TMEM178B: variants seen among roughly 807,000 people sequenced by gnomAD.
The protein encoded by TMEM178B is transmembrane protein 178B.
In TMEM178B, 5 loss-of-function variants were observed where a neutral mutation model predicts 31.0. The ratio of observed to expected loss-of-function variants is 0.16; its 90% CI spans 0.08 to 0.34. The LOEUF is 0.34. TMEM178B is among the 10% of genes least tolerant of loss of function. The pLI is 1.00. For synonymous variants in TMEM178B, 164 were observed against 164.0 expected, an observed-to-expected ratio of 1.00 and a Z score of 0.00; for missense variants, 275 against 400.3, an observed-to-expected ratio of 0.69 and a Z score of 2.67.
chr7:141,202,147 G>T (rs1796888530), intron 1 of TMEM178B, among the ~76,000 whole-genome samples: 1 of 152,124 alleles, frequency 6.6e-6, no homozygotes, highest in Non-Finnish European at 1.5e-5. Flanking sequence ...CTAATACACA[G>T]AAAGTATTCA....
intron 2 of TMEM178B, among the ~76,000 whole-genome samples, chr7:141,365,203 T>C (rs1447977884): frequency 6.6e-6 from 1 of 152,224 alleles, no homozygotes; most frequent in Non-Finnish European, 1.5e-5. Context: ...TCCAACCACA[T>C]TGCTGTCTTC....
At chr7:141,156,937 A>T (rs1033504524) in intron 1 of TMEM178B, among the ~76,000 whole-genome samples, 1 of 152,106 alleles carries the variant, frequency 6.6e-6, no homozygotes, top group African/African-American at 2.4e-5. Context: ...TAACCAGGGG[A>T]TGTTTCAGAA....
chr7:141,201,336 G>T (rs903163886), intron 1 of TMEM178B, among the ~76,000 whole-genome samples: 1 of 152,196 alleles, frequency 6.6e-6, no homozygotes, highest in Non-Finnish European at 1.5e-5. Context: ...CCCTGGGAAA[G>T]ATTCTCAACC....
At chr7:141,499,113 C>T in the TMEM178B span, among the ~76,000 whole-genome samples, 1 of 152,126 alleles carries the variant, frequency 6.6e-6, no homozygotes, top group East Asian at 1.9e-4. Flanking sequence ...ATTTGGCTGG[C>T]AAGCTTCAGG....
chr7:141,295,594 C>G (rs1302456619), intron 2 of TMEM178B, among the ~76,000 whole-genome samples: 2 of 152,168 alleles, frequency 1.3e-5, no homozygotes, highest in South Asian at 2.1e-4. Flanking sequence ...GAAGCAGCAG[C>G]TACCTGTTGA....
Position 141,245,170 on chromosome 7 carries a change from C to CAAAAAAAAAAAAA in TMEM178B, c.496+32494_496+32506dup, listed in dbSNP as rs59281560. 1.7e-4 allele frequency among the ~76,000 whole-genome samples: 4 copies of CAAAAAAAAAAAAA among 23,110 alleles called. 1 individual carries two copies. Among genetic ancestry groups the CAAAAAAAAAAAAA allele is most frequent in the African/African-American group, 4.9e-4 (3 of 6,124 alleles). 15.2% of individuals were successfully genotyped at this position (23,110 alleles called of 152,430 possible). A position where few individuals can be genotyped will look rare whatever the true frequency, so the allele number is the denominator to read the frequency against. The stretch of plus-strand genomic sequence containing the variant: ...GGGTGACAGAGCAAGACTCCATCAC[C>CAAAAAAAAAAAAA]AAAAAAAAAAAAAAAAAAAAAAAAA... On this transcript the variant is annotated intron_variant, in intron 2 of 3. Transcript: ENST00000565468.
intron 1 of TMEM178B, among the ~76,000 whole-genome samples, chr7:141,182,269 G>T (rs76668352): frequency 6.6e-6 from 1 of 152,178 alleles, no homozygotes; most frequent in African/African-American, 2.4e-5. Flanking sequence ...AGGACATGTT[G>T]TGTGCAGCCA....
chr7:141,204,373 G>A (rs576794238), intron 1 of TMEM178B, among the ~76,000 whole-genome samples: 6 of 152,204 alleles, frequency 3.9e-5, no homozygotes, highest in Non-Finnish European at 8.8e-5. Context: ...GTTGAGAGCT[G>A]CTTTCCCATA....
At chr7:141,334,003 G>A (rs1427386786) in intron 2 of TMEM178B, among the ~76,000 whole-genome samples, 1 of 152,226 alleles carries the variant, frequency 6.6e-6, no homozygotes, top group African/African-American at 2.4e-5. Flanking sequence ...CTAACAGGGG[G>A]AACCCCTGCT....
chr7:141,079,315 G>T (rs149436902), intron 1 of TMEM178B, among the ~76,000 whole-genome samples: 1 of 152,028 alleles, frequency 6.6e-6, no homozygotes, highest in South Asian at 2.1e-4. Flanking sequence ...AATTATTTCC[G>T]TAGTTGTATT....
At chr7:141,347,170 T>G (rs186034853) in intron 2 of TMEM178B, among the ~76,000 whole-genome samples, 1 of 152,300 alleles carries the variant, frequency 6.6e-6, no homozygotes, top group East Asian at 1.9e-4. Flanking sequence ...CTTCATAAAT[T>G]ATCCAGTCTC....
intron 2 of TMEM178B, among the ~76,000 whole-genome samples, chr7:141,383,820 T>C (rs1015032365): frequency 6.6e-6 from 1 of 152,172 alleles, no homozygotes; most frequent in Non-Finnish European, 1.5e-5. Context: ...TTGAACTAGT[T>C]TACAGACCCA....
At chr7:141,362,853 G>A (rs1022345269) in intron 2 of TMEM178B, among the ~76,000 whole-genome samples, 2 of 152,146 alleles carry the variant, frequency 1.3e-5, no homozygotes, top group African/African-American at 2.4e-5. Flanking sequence ...CTCCTGGAGC[G>A]ACAGAGACAC....
intron 1 of TMEM178B, among the ~76,000 whole-genome samples, chr7:141,134,426 G>A (rs1034538582): frequency 6.6e-6 from 1 of 152,090 alleles, no homozygotes; most frequent in African/African-American, 2.4e-5. Flanking sequence ...CCACTAGACT[G>A]AACCTACAAG....
At chr7:141,189,523 G>A (rs1295954728) in intron 1 of TMEM178B, among the ~76,000 whole-genome samples, 1 of 152,236 alleles carries the variant, frequency 6.6e-6, no homozygotes, top group Non-Finnish European at 1.5e-5. Flanking sequence ...AATCCAGAAG[G>A]TGGAGTCCTC....
intron 3 of TMEM178B, among the ~76,000 whole-genome samples, chr7:141,438,796 A>C (rs1291231518): frequency 6.7e-6 from 1 of 149,580 alleles, no homozygotes. Context: ...GAATTGCTTG[A>C]ACCTGGCAGG....
chr7:141,236,695 C>T (rs1586841874), intron 2 of TMEM178B, among the ~76,000 whole-genome samples: 2 of 152,128 alleles, frequency 1.3e-5, no homozygotes, highest in African/African-American at 4.8e-5. Context: ...AGAGTGGGAA[C>T]AGTCAATGGG....
At chr7:141,125,402 G>A (rs113290525) in intron 1 of TMEM178B, among the ~76,000 whole-genome samples, 7,006 of 152,090 alleles carry the variant, frequency 0.046, 562 homozygotes, top group African/African-American at 0.16. Context: ...GAAGCCCGGC[G>A]CCGGATGTGG....
intron 1 of TMEM178B, among the ~76,000 whole-genome samples, chr7:141,124,982 T>C (rs1795466905): frequency 6.6e-6 from 1 of 152,222 alleles, no homozygotes; most frequent in Admixed American, 6.5e-5. Flanking sequence ...TCCCCCTTTA[T>C]TCTATCCTTT....
Sources: gnomAD v4.1 joint callset for allele counts (sites outside exome capture counted in the v4.1 genomes callset) on GRCh38, gnomAD v4.1.1 for gene constraint, MANE v1.5 for transcripts, NCBI Gene and HGNC (gene_info 2026-07-23, HGNC 2026-07-21) for gene names.